ANAPC7: variants seen among roughly 807,000 people sequenced by gnomAD.
The protein encoded by ANAPC7 is anaphase promoting complex subunit 7, also known as anaphase-promoting complex subunit 7.
In ANAPC7, 25 loss-of-function variants were observed where a neutral mutation model predicts 63.3. The ratio of observed to expected loss-of-function variants is 0.39; its 90% CI spans 0.29 to 0.55. The LOEUF (loss-of-function observed/expected upper bound fraction) is 0.55. Ranked by LOEUF, ANAPC7 falls within the 20% of genes least tolerant of loss-of-function variation. ANAPC7 has a pLI of 0.57. For missense variants in ANAPC7, 516 were observed against 691.7 expected (o/e 0.75, Z 2.85); for synonymous variants, 241 against 251.7 (o/e 0.96, Z 0.40).
chr12:110,383,895 A>G (rs1475014151), intron 6 of ANAPC7, among the ~76,000 whole-genome samples: 19 of 131,872 alleles, frequency 1.4e-4, no homozygotes, highest in East Asian at 2.3e-4. Flanking sequence ...AAAAAAAAAA[A>G]AAAGAAAAAA....
intron 8 of ANAPC7, chr12:110,377,846 TC>T: frequency 7.1e-7 from 1 of 1,399,994 alleles, no homozygotes; most frequent in Non-Finnish European, 9.3e-7. Flanking sequence ...AAAGGCACCT[TC>T]AGTTTAGGGA....
chr12:110,388,087 A>C (rs1882774183), intron 4 of ANAPC7, among the ~76,000 whole-genome samples, 195 bp from the exon 5 acceptor site: 1 of 152,152 alleles, frequency 6.6e-6, no homozygotes, highest in Non-Finnish European at 1.5e-5. Context: ...CCTGGGCTGG[A>C]ATGCAGTGGC....
At chr12:110,382,802 T>A in intron 7 of ANAPC7, 41 bp downstream of exon 7, 2 of 1,488,766 alleles carry the variant, frequency 1.3e-6, no homozygotes, top group Admixed American at 1.8e-5. Flanking sequence ...TATCTCTTAA[T>A]CTACTGACAA....
intron 9 of ANAPC7, 101 bp from the exon 10 acceptor site, chr12:110,376,317 C>T: frequency 2.2e-6 from 3 of 1,365,670 alleles, no homozygotes; most frequent in South Asian, 1.4e-5. Context: ...AACACTGGTG[C>T]AACACAAAGC....
Position 110,382,968 on chromosome 12 carries a change from A to T in ANAPC7, c.818-8T>A. ...AGCCATATACATCCATTCCTAGAAG[A>T]GAAGGACATAGTGAGAAGAGGTGTT... On this transcript the variant is annotated splice_region_variant and splice_polypyrimidine_tract_variant and intron_variant, in intron 6 of 10. Transcript: ENST00000455511. 3 of 1,605,312 alleles carry T rather than the reference A, an allele frequency of 1.9e-6. No individual in the cohort carries two copies. The highest frequency in any genetic ancestry group is 2.6e-6 in the Non-Finnish European group (3 of 1,173,212).
intron 3 of ANAPC7, among the ~76,000 whole-genome samples, chr12:110,391,908 A>G (rs1883117129): frequency 6.6e-6 from 1 of 152,042 alleles, no homozygotes; most frequent in South Asian, 2.1e-4. Flanking sequence ...CCTGGCCAAC[A>G]TGGTGAAACC....
chr12:110,389,443 C>G (rs1346253944), intron 3 of ANAPC7, among the ~76,000 whole-genome samples: 1 of 152,150 alleles, frequency 6.6e-6, no homozygotes, highest in South Asian at 2.1e-4. Context: ...CGACTTGTGG[C>G]TAGACTCTAG....
chr12:110,382,933 G>C lies in ANAPC7; in HGVS notation c.845C>G (p.Ala282Gly), dbSNP rs1304245278. The C allele has an allele frequency of 2.5e-6, 4 of 1,613,672 alleles. No individual in the cohort carries two copies. The highest frequency in any genetic ancestry group is 3.4e-6 in the Non-Finnish European group (4 of 1,179,832). Residue 282 changes from alanine to glycine, a missense_variant, in exon 7 of 11, where the codon GCA becomes GGA. Coordinates refer to ENST00000455511, the MANE Select transcript of ANAPC7 (RefSeq NM_016238.3). ...AACATCCTCTAGCCGCCCTTCTCGT[G>C]CCAGTAGGTAGCCATATACATCCAT... ...KGMDVYGYLL[A>G]REGRLEDVEN...
At chr12:110,387,299 G>GAGAGAGAGAGAGAGAGAGAGAGAGAGAC (rs1882618800) in intron 5 of ANAPC7, 2 of 130,242 alleles carry the variant, frequency 1.5e-5, no homozygotes, top group Admixed American at 7.6e-5. Context: ...GAGAGAGAGA[G>GAGAGAGAGAGAGAGAGAGAGAGAGAGAC]AGAGAGAGAG....
chr12:110,401,168 G>A (rs1316333002), intron 1 of ANAPC7, among the ~76,000 whole-genome samples: 1 of 152,194 alleles, frequency 6.6e-6, no homozygotes, highest in Non-Finnish European at 1.5e-5. Flanking sequence ...TTCTACAGCA[G>A]GCCAAACACT....
intron 1 of ANAPC7, among the ~76,000 whole-genome samples, chr12:110,398,200 C>A (rs1200654388): frequency 6.6e-6 from 1 of 150,828 alleles, no homozygotes; most frequent in East Asian, 2.0e-4. Flanking sequence ...GAGCCAAGAT[C>A]GTGCCACTGC....
Position 110,381,749 on chromosome 12 carries a change from T to C in ANAPC7, c.1132+3A>G. ...CACCATTCACCTATGTTTTCTTTCTTACCTTCATAACAATCTAAGCGACAA... is the reference window on the plus strand; with the variant it reads ...CACCATTCACCTATGTTTTCTTTCTCACCTTCATAACAATCTAAGCGACAA... On this transcript the variant is annotated splice_donor_region_variant and intron_variant, in intron 8 of 10. Coordinates refer to ENST00000455511, the MANE Select transcript of ANAPC7 (RefSeq NM_016238.3). The C allele has an allele frequency of 6.2e-7, 1 of 1,612,584 alleles. No individual in the cohort carries two copies. Among genetic ancestry groups the C allele is most frequent in the South Asian group, 1.1e-5 (1 of 90,990 alleles).
At position 110,396,562 on chromosome 12, in the gene ANAPC7, G is replaced by A. The variant is rs1041499543; in HGVS notation, c.102-110C>T. 42 of 852,322 alleles carry A rather than the reference G, an allele frequency of 4.9e-5. No homozygotes were observed. The South Asian group carries it at 7.4e-4, about 15-fold the overall frequency. 52.8% of individuals were successfully genotyped at this position (852,322 alleles called of 1,614,324 possible). On this transcript the variant is annotated intron_variant, in intron 1 of 10. Coordinates refer to ENST00000455511, the MANE Select transcript of ANAPC7 (RefSeq NM_016238.3). ...TTCTCACTCTGTCACCCAGGCTGGA[G>A]TGCAGTGGCACGATCTCGGCTCACT...
intron 10 of ANAPC7, chr12:110,375,658 C>T (rs1881196665): frequency 1.1e-6 from 1 of 909,194 alleles, no homozygotes; most frequent in Admixed American, 6.2e-5. Context: ...AGGTAGTATT[C>T]AAAACTTCAG....
intron 5 of ANAPC7, 48 bp downstream of exon 5, chr12:110,387,691 G>A: frequency 1.9e-6 from 3 of 1,566,538 alleles, no homozygotes; most frequent in Non-Finnish European, 2.6e-6. Context: ...CAGACTTCCA[G>A]ACAAGCAAAG....
intron 6 of ANAPC7, among the ~76,000 whole-genome samples, chr12:110,385,924 A>C (rs1882409482): frequency 1.3e-5 from 2 of 152,082 alleles, no homozygotes; most frequent in Non-Finnish European, 2.9e-5. Context: ...GCCTTTAATC[A>C]CCTTATCCCT....
chr12:110,380,602 G>C (rs1881731256), intron 8 of ANAPC7, among the ~76,000 whole-genome samples: 1 of 144,962 alleles, frequency 6.9e-6, no homozygotes, highest in Non-Finnish European at 1.5e-5. Flanking sequence ...AATGAGCCAA[G>C]ATCATGCCAC....
At chr12:110,386,176 G>A (rs1270549401) in intron 6 of ANAPC7, 151 bp downstream of exon 6, 1 of 1,143,766 alleles carries the variant, frequency 8.7e-7, no homozygotes, top group Non-Finnish European at 1.3e-6. Flanking sequence ...AGAGACATGT[G>A]TCATGACCTA....
chr12:110,392,797 T>C (rs1478584984), intron 3 of ANAPC7, among the ~76,000 whole-genome samples: 1 of 152,042 alleles, frequency 6.6e-6, no homozygotes, highest in East Asian at 1.9e-4. Flanking sequence ...TTTTTGTTTG[T>C]TTTTTTGTTT....
Sources: gnomAD v4.1 joint callset for allele counts (sites outside exome capture counted in the v4.1 genomes callset) on GRCh38, gnomAD v4.1.1 for gene constraint, MANE v1.5 for transcripts, NCBI Gene and HGNC (gene_info 2026-07-23, HGNC 2026-07-21) for gene names.